The following ADARB2 variants were observed in gnomAD, a reference collection of about 807,000 sequenced individuals.
The protein encoded by ADARB2 is inactive double-stranded RNA-specific editase B2.
In ADARB2, 25 loss-of-function variants were observed where a neutral mutation model predicts 62.2. The ratio of observed to expected loss-of-function variants is 0.40; its 90% CI spans 0.29 to 0.56. The LOEUF (loss-of-function observed/expected upper bound fraction) is 0.56. ADARB2 is among the 20% of genes least tolerant of loss of function. The pLI is 0.43. For synonymous variants in ADARB2, 572 were observed against 500.8 expected (o/e 1.14, Z -1.90); for missense variants, 1,071 against 1,077.4 (o/e 0.99, Z 0.08).
chr10:1,603,340 C>T (rs937809448), intron 1 of ADARB2, among the ~76,000 whole-genome samples: 1 of 152,214 alleles, frequency 6.6e-6, no homozygotes, highest in Non-Finnish European at 1.5e-5. Context: ...CAGGAAGCAG[C>T]ACCGGCTTGG....
At chr10:1,256,760 GACA>G (rs1269373039) in intron 4 of ADARB2, among the ~76,000 whole-genome samples, 1 of 152,126 alleles carries the variant, frequency 6.6e-6, no homozygotes, top group African/African-American at 2.4e-5. Flanking sequence ...GAGGTAGAAT[GACA>G]ACAAACGCTT....
At chr10:1,553,182 A>G (rs894906266) in intron 1 of ADARB2, among the ~76,000 whole-genome samples, 4 of 152,254 alleles carry the variant, frequency 2.6e-5, no homozygotes, top group African/African-American at 4.8e-5. Flanking sequence ...TTAATCGTTA[A>G]TTACCAAAAA....
chr10:1,305,990 C>T (rs952993822), intron 3 of ADARB2, among the ~76,000 whole-genome samples: 20 of 152,238 alleles, frequency 1.3e-4, no homozygotes, highest in Non-Finnish European at 2.6e-4. Context: ...TGAAAACTGG[C>T]ACAAGACAGT....
At chr10:1,678,760 C>G (rs1834500222) in intron 1 of ADARB2, among the ~76,000 whole-genome samples, 1 of 151,962 alleles carries the variant, frequency 6.6e-6, no homozygotes, top group African/African-American at 2.4e-5. Context: ...TAAGTGTGGC[C>G]CCTTCCCTTC....
intron 7 of ADARB2, among the ~76,000 whole-genome samples, chr10:1,206,633 G>T (rs976541579): frequency 6.6e-6 from 1 of 152,168 alleles, no homozygotes; most frequent in Non-Finnish European, 1.5e-5. Context: ...GGGACCTTTG[G>T]TTCTTTCTGT....
At chr10:1,713,115 T>C (rs1265512861) in intron 1 of ADARB2, among the ~76,000 whole-genome samples, 1 of 152,138 alleles carries the variant, frequency 6.6e-6, no homozygotes, top group Non-Finnish European at 1.5e-5. Context: ...AGTCAGGCGA[T>C]GGAGGCTGCA....
rs1836701969 is a variant in ADARB2 at position 1,183,120 on chromosome 10, G to T, written c.*73C>A. ...ACGAATGCAGGGAACCGGCCGACCC[G>T]CCACGTCGCCCCCCAGACACGGTCC... is the stretch of plus-strand genomic sequence containing the variant. On this transcript the variant is annotated 3_prime_UTR_variant, in exon 10 of 10. Coordinates refer to ENST00000381312, the MANE Select transcript of ADARB2 (RefSeq NM_018702.4). 1.3e-6 allele frequency: 2 copies of T among 1,535,094 alleles called. No individual in the cohort carries two copies. Among genetic ancestry groups the T allele is most frequent in the African/African-American group, 1.4e-5 (1 of 72,552 alleles).
intron 1 of ADARB2, among the ~76,000 whole-genome samples, chr10:1,708,599 C>CT (rs1834918589): frequency 6.6e-6 from 1 of 152,134 alleles, no homozygotes; most frequent in Non-Finnish European, 1.5e-5. Context: ...CAAGGAGAGG[C>CT]ATGGGCTTTG....
At chr10:1,292,932 C>T (rs1831479840) in intron 3 of ADARB2, 1 of 132,732 alleles carries the variant, frequency 7.5e-6, no homozygotes, top group Non-Finnish European at 1.5e-5. Context: ...AGATACATAA[C>T]ATCCTTCCAT....
intron 1 of ADARB2, among the ~76,000 whole-genome samples, chr10:1,541,131 A>G (rs28550782): frequency 4.4e-4 from 36 of 81,902 alleles, no homozygotes; most frequent in African/African-American, 1.1e-3. Flanking sequence ...GACGCAGTTC[A>G]GACCCTGGAT....
Position 1,630,098 on chromosome 10 carries a change from C to T in ADARB2, c.100+106953G>A, listed in dbSNP as rs560464273. Among the ~76,000 whole-genome samples the T allele has an allele frequency of 8.5e-5, 13 of 152,260 alleles. No homozygotes were observed. In the South Asian group the frequency reaches 2.7e-3, roughly 32 times the overall value. ...GAGCTGCAGTTGATTTATGAGATAA[C>T]CCAGCAATGGCACCAGGTCCTTTGG... On this transcript the variant is annotated intron_variant, in intron 1 of 9. Coordinates refer to ENST00000381312, the MANE Select transcript of ADARB2 (RefSeq NM_018702.4).
intron 3 of ADARB2, among the ~76,000 whole-genome samples, chr10:1,352,056 AC>A (rs955941388): frequency 6.6e-6 from 1 of 151,672 alleles, no homozygotes; most frequent in Non-Finnish European, 1.5e-5. Context: ...TGACCCTGAC[AC>A]CCATCAGGCT....
chr10:1,563,465 A>G (rs1417072552), intron 1 of ADARB2, among the ~76,000 whole-genome samples: 1 of 152,056 alleles, frequency 6.6e-6, no homozygotes, highest in Non-Finnish European at 1.5e-5. Context: ...TAGCTTAATC[A>G]TCTTATCCTC....
intron 1 of ADARB2, among the ~76,000 whole-genome samples, chr10:1,593,655 T>C (rs905689446): frequency 3.9e-5 from 6 of 152,232 alleles, no homozygotes; most frequent in Non-Finnish European, 5.9e-5. Context: ...AAGTCTTCTT[T>C]GAATTAATTA....
At chr10:1,500,590 G>T (rs1831754440) in intron 1 of ADARB2, among the ~76,000 whole-genome samples, 1 of 152,144 alleles carries the variant, frequency 6.6e-6, no homozygotes, top group Non-Finnish European at 1.5e-5. Flanking sequence ...GCACAAAAGG[G>T]TAAAAATAAT....
chr10:1,693,676 G>A (rs1468248041), intron 1 of ADARB2, among the ~76,000 whole-genome samples: 1 of 152,104 alleles, frequency 6.6e-6, no homozygotes, highest in Non-Finnish European at 1.5e-5. Flanking sequence ...GGCTACAAAT[G>A]TGTCAGCTTC....
chr10:1,702,500 G>A (rs1042715784), intron 1 of ADARB2, among the ~76,000 whole-genome samples: 1 of 152,142 alleles, frequency 6.6e-6, no homozygotes, highest in African/African-American at 2.4e-5. Flanking sequence ...CGAAAATCTG[G>A]GGATTTTCCT....
At chr10:1,207,666 G>A (rs184840371) in intron 7 of ADARB2, among the ~76,000 whole-genome samples, 9 of 152,274 alleles carry the variant, frequency 5.9e-5, no homozygotes, top group South Asian at 2.1e-4. Context: ...AGCCAGTGCC[G>A]TATTCCCCAG....
chr10:1,538,557 G>A (rs1832363813), intron 1 of ADARB2, among the ~76,000 whole-genome samples: 2 of 152,216 alleles, frequency 1.3e-5, no homozygotes, highest in African/African-American at 4.8e-5. Flanking sequence ...ACGCACACCT[G>A]ACCCAGACCT....
Sources: allele counts gnomAD v4.1 joint callset (sites outside exome capture counted in the v4.1 genomes callset), GRCh38; gene constraint gnomAD v4.1.1; transcripts MANE v1.5; gene names NCBI Gene and HGNC (gene_info 2026-07-23, HGNC 2026-07-21).